NTN1: variants seen among roughly 807,000 people sequenced by gnomAD.
NTN1 encodes netrin 1.
In NTN1, 11 loss-of-function variants were observed where a neutral mutation model predicts 54.2. The ratio of observed to expected loss-of-function variants is 0.20; its 90% CI spans 0.13 to 0.34. NTN1 has a LOEUF of 0.34. Ranked by LOEUF, NTN1 falls within the 10% of genes least tolerant of loss-of-function variation. The probability of loss-of-function intolerance (pLI) is 1.00; values close to 1 mark genes in which losing one functional copy is unlikely to be tolerated. For synonymous variants in NTN1, 371 were observed against 382.0 expected (o/e 0.97, Z 0.33); for missense variants, 740 against 893.1 (o/e 0.83, Z 2.18).
At chr17:9,179,413 G>A (rs1361850281) in intron 3 of NTN1, among the ~76,000 whole-genome samples, 1 of 152,154 alleles carries the variant, frequency 6.6e-6, no homozygotes, top group Non-Finnish European at 1.5e-5. Context: ...AGGACAGAGT[G>A]AAAACGCATA....
chr17:9,236,964 C>T (rs1906011968), intron 6 of NTN1, among the ~76,000 whole-genome samples: 1 of 152,132 alleles, frequency 6.6e-6, no homozygotes. Context: ...CCTGGGAGGC[C>T]TCTGCAGGAA....
At chr17:9,199,342 A>G (rs1164031238) in intron 5 of NTN1, among the ~76,000 whole-genome samples, 1 of 152,198 alleles carries the variant, frequency 6.6e-6, no homozygotes, top group Non-Finnish European at 1.5e-5. Context: ...GAGTTTCAAC[A>G]TGTTGGCCAG....
At chr17:9,188,357 G>A (rs1381909832) in intron 5 of NTN1, among the ~76,000 whole-genome samples, 1 of 150,816 alleles carries the variant, frequency 6.6e-6, no homozygotes, top group Non-Finnish European at 1.5e-5. Flanking sequence ...GAACCTGGGA[G>A]GTGGAGGTTG....
chr17:9,193,090 A>AG lies in NTN1; in HGVS notation c.1411+10121_1411+10122insG, dbSNP rs957331083. Among the ~76,000 whole-genome samples, 16 of 143,524 alleles carry AG rather than the reference A, an allele frequency of 1.1e-4. 1 individual carries two copies. Among genetic ancestry groups the AG allele is most frequent in the African/African-American group, 1.5e-4 (6 of 39,214 alleles). The allele number at this position is 143,524 out of a possible 152,430, so 94.2% of individuals were successfully genotyped here. A position where few individuals can be genotyped will look rare whatever the true frequency, so the allele number is the denominator to read the frequency against. ...GTGAGACTCTGTCTCAAAAAAAAAA[A>AG]AAAAAGAAAAAGAAAAAAAAGCCGT... On this transcript the variant is annotated intron_variant, in intron 5 of 6. Coordinates refer to ENST00000173229, the MANE Select transcript of NTN1 (RefSeq NM_004822.3).
intron 2 of NTN1, among the ~76,000 whole-genome samples, chr17:9,089,716 G>T (rs1398787122): frequency 2.0e-5 from 3 of 152,038 alleles, no homozygotes; most frequent in African/African-American, 4.8e-5. Flanking sequence ...TTCTACCTCT[G>T]CTCATCCCAA....
chr17:9,126,229 C>T (rs1235120168), intron 2 of NTN1, among the ~76,000 whole-genome samples: 3 of 152,248 alleles, frequency 2.0e-5, no homozygotes, highest in African/African-American at 7.2e-5. Flanking sequence ...AGAGATAGGG[C>T]TGGGCGTGAT....
rs192004510 is a variant in NTN1 at position 9,154,691 on chromosome 17, G to A, written c.1019-8122G>A. Among the ~76,000 whole-genome samples the A allele has an allele frequency of 1.5e-3, 228 of 152,276 alleles. 1 individual carries two copies. Among genetic ancestry groups the A allele is most frequent in the African/African-American group, 5.1e-3 (210 of 41,566 alleles). ...GCGGAATACCTAAAATTTATAAACA[G>A]GAGCTGAACAATTTCTAAATAAATA... On this transcript the variant is annotated intron_variant, in intron 2 of 6. Transcript: ENST00000173229.
At chr17:9,072,035 C>T (rs989254688) in intron 2 of NTN1, among the ~76,000 whole-genome samples, 10 of 152,144 alleles carry the variant, frequency 6.6e-5, no homozygotes, top group Non-Finnish European at 8.8e-5. Flanking sequence ...CACGCAGCCC[C>T]GAGAGTCGGG....
Position 9,239,973 on chromosome 17 carries a change from G to C in NTN1, c.*5G>C, listed in dbSNP as rs768523815. On this transcript the variant is annotated 3_prime_UTR_variant, in exon 7 of 7. Coordinates refer to ENST00000173229, the MANE Select transcript of NTN1 (RefSeq NM_004822.3). The surrounding 1 kb of genome is among the most constrained non-coding windows in gnomAD (Gnocchi z 5.2). ...GGCAAGTGCAAGAAGGCCTAGCGCC[G>C]AGGCAGCGGGCGGGCGGGCGGGCGG... 9.6e-6 allele frequency: 12 copies of C among 1,251,326 alleles called. No individual in the cohort carries two copies. The East Asian group carries it at 1.3e-4, about 13-fold the overall frequency. The allele number at this position is 1,251,326 out of a possible 1,614,324, so 77.5% of individuals were successfully genotyped here.
intron 2 of NTN1, among the ~76,000 whole-genome samples, chr17:9,063,491 A>G (rs1003412336): frequency 5.9e-5 from 9 of 152,182 alleles, no homozygotes; most frequent in Non-Finnish European, 1.0e-4. Context: ...GATTCAGTCC[A>G]TAATCCAAAA....
chr17:9,195,255 C>T (rs1275328409), intron 5 of NTN1, among the ~76,000 whole-genome samples: 1 of 133,084 alleles, frequency 7.5e-6, no homozygotes, highest in African/African-American at 2.7e-5. Flanking sequence ...AAGCCATTTG[C>T]ATGGTGGGTT....
chr17:9,034,340 A>G (rs1476147118), intron 2 of NTN1, among the ~76,000 whole-genome samples: 2 of 151,866 alleles, frequency 1.3e-5, no homozygotes, highest in African/African-American at 2.4e-5. Flanking sequence ...TATTATCACC[A>G]TGTACTGTTC....
chr17:9,163,633 G>C lies in NTN1; in HGVS notation c.1207+632G>C, dbSNP rs72811962. Among the ~76,000 whole-genome samples, 6 of 152,124 alleles carry C rather than the reference G, an allele frequency of 3.9e-5. No individual in the cohort carries two copies. The South Asian group carries it at 1.0e-3, about 26-fold the overall frequency. ...ACAAAAAAAAAAATTAAAAGGAGAC[G>C]GGAGACTATTTTCGTCCACTGAAGC... On this transcript the variant is annotated intron_variant, in intron 3 of 6. Transcript: ENST00000173229.
intron 2 of NTN1, among the ~76,000 whole-genome samples, chr17:9,161,324 T>C (rs1259823385): frequency 6.6e-6 from 1 of 151,944 alleles, no homozygotes; most frequent in East Asian, 1.9e-4. Context: ...AGGCGAGGGG[T>C]CCTTGCACGT....
At chr17:9,041,436 C>A (rs2091921317) in intron 2 of NTN1, among the ~76,000 whole-genome samples, 2 of 152,202 alleles carry the variant, frequency 1.3e-5, no homozygotes, top group Admixed American at 1.3e-4. Flanking sequence ...TAAATAGAAT[C>A]ACGTAACATA....
chr17:9,194,994 CCT>C (rs1904585262), intron 5 of NTN1, among the ~76,000 whole-genome samples: 1 of 152,078 alleles, frequency 6.6e-6, no homozygotes, highest in Non-Finnish European at 1.5e-5. Flanking sequence ...GTCAGTTTCC[CCT>C]CTCTTCTTTC....
intron 3 of NTN1, among the ~76,000 whole-genome samples, chr17:9,169,452 C>G (rs1233705909): frequency 1.3e-5 from 2 of 152,214 alleles, no homozygotes; most frequent in Admixed American, 1.3e-4. Flanking sequence ...AACGGGGTCT[C>G]CCTGGCCCAG....
At chr17:9,115,079 A>G (rs185316865) in intron 2 of NTN1, among the ~76,000 whole-genome samples, 5 of 152,348 alleles carry the variant, frequency 3.3e-5, no homozygotes, top group Non-Finnish European at 7.3e-5. Flanking sequence ...GGTGCAGTAG[A>G]AAATTCTGCT....
At chr17:9,028,370 G>T (rs999722800) in intron 2 of NTN1, among the ~76,000 whole-genome samples, 18 of 152,132 alleles carry the variant, frequency 1.2e-4, no homozygotes, top group Non-Finnish European at 2.9e-5. Flanking sequence ...CTCTGCTGGG[G>T]TCCTCATTAG....
Sources: gnomAD v4.1 joint callset for allele counts (sites outside exome capture counted in the v4.1 genomes callset) on GRCh38, gnomAD v4.1.1 for gene constraint, Gnocchi (gnomAD v3.1) non-coding constraint, MANE v1.5 for transcripts, NCBI Gene and HGNC (gene_info 2026-07-23, HGNC 2026-07-21) for gene names.